The following CASKIN2 variants were observed in gnomAD, a reference collection of about 807,000 sequenced individuals.
The protein encoded by CASKIN2 is caskin-2.
CASKIN2 carries 41 observed loss-of-function variants against 107.1 expected under a neutral mutation model. The ratio of observed to expected loss-of-function variants is 0.38; its 90% CI spans 0.30 to 0.50. CASKIN2 has a LOEUF of 0.50. CASKIN2 is among the 20% of genes least tolerant of loss of function. The pLI, the probability that CASKIN2 is intolerant of heterozygous loss-of-function variation, is 0.92. For missense variants in CASKIN2, 1,546 were observed against 1,657.4 expected (o/e 0.93, Z 1.17); for synonymous variants, 724 against 705.6 (o/e 1.03, Z -0.41).
Position 75,504,919 on chromosome 17 carries a change from G to T in CASKIN2, c.1085C>A (p.Pro362His), listed in dbSNP as rs1346283145. The T allele has an allele frequency of 1.2e-6, 2 of 1,609,882 alleles. No individual in the cohort carries two copies. Among genetic ancestry groups the T allele is most frequent in the Non-Finnish European group, 1.7e-6 (2 of 1,178,268 alleles). ...TGTCCGGGAGAAGCCTGGGCGCAGG[G>T]GGGTGGGTGCGGAGGGGAGGCGGGC... ...PAARLPSAPT[P>H]LRPGFSRTPQ... is the part of the protein sequence containing the mutation. Residue 362 changes from proline to histidine, a missense_variant, in exon 11 of 20, where the codon CCC becomes CAC. This residue lies in a region of CASKIN2 where 1,311 missense variants were observed against 1,311.0 expected (regional missense o/e 1.00). Transcript: ENST00000321617.
rs2053269542 is a variant in CASKIN2, at chr17:75,506,702, C to T, written c.498G>A (p.Leu166=). ...CCACACATAAGTGGCTGTTCAGAAG[C>T]AGCTGGGCCACCTGCAGCACCCAGT... ...CEFGRLKVAQ[L]LLNSHLCVAL... is the part of the protein sequence containing the mutation. The change falls in exon 7 of 20, where the codon CTG becomes CTA. Residue 166 remains leucine (L), a synonymous_variant. Coordinates refer to ENST00000321617, the MANE Select transcript of CASKIN2 (RefSeq NM_020753.5). This position sits in a 1 kb window ranked among gnomAD's most constrained non-coding sequence, Gnocchi z 4.8. The T allele has an allele frequency of 6.2e-7, 1 of 1,613,402 alleles. No individual in the cohort carries two copies. Among genetic ancestry groups the T allele is most frequent in the Non-Finnish European group, 8.5e-7 (1 of 1,180,002 alleles).
At chr17:75,511,475 C>T (rs2146997789) in intron 2 of CASKIN2, among the ~76,000 whole-genome samples, 1 of 152,350 alleles carries the variant, frequency 6.6e-6, no homozygotes, top group South Asian at 2.1e-4. Context: ...CACTAACCCT[C>T]TCTGAGCATC....
chr17:75,502,077 T>G lies in CASKIN2; in HGVS notation c.2997A>C (p.Arg999Ser). 1 of 1,611,320 alleles carries G rather than the reference T, an allele frequency of 6.2e-7. No individual in the cohort carries two copies. The highest frequency in any genetic ancestry group is 8.5e-7 in the Non-Finnish European group (1 of 1,179,876). ...CCAGCAGTGCGGTCTGCAGTGGCTC[T>G]CTCTCCCGGCACTTGGGCCTCCGCT... is the stretch of plus-strand genomic sequence containing the variant. ...TVKRRPKCREREPLQTALLAF... is the reference protein window; with the variant it reads ...TVKRRPKCRESEPLQTALLAF... Residue 999 changes from arginine to serine, a missense_variant, in exon 18 of 20, where the codon AGA becomes AGC. Physicochemically the swap from Arg to Ser is moderately radical, Grantham distance 110. Transcript: ENST00000321617. The surrounding 1 kb of genome is among the most constrained non-coding windows in gnomAD (Gnocchi z 4.3).
rs201781607 is a variant in CASKIN2, at chr17:75,502,011, T to C, written c.3063A>G (p.Pro1021=). 97 of 1,612,462 alleles carry C rather than the reference T, an allele frequency of 6.0e-5. 1 individual carries two copies. Among genetic ancestry groups the C allele is most frequent in the East Asian group, 4.5e-4 (20 of 44,860 alleles). ...VASATPGPAA[P]LPSPTPGESP... ...ACTCGCCAGGAGTTGGGGAAGGCAGTGGGGCAGCGGGGCCAGGCGTGGCAC... is the reference window on the plus strand; with the variant it reads ...ACTCGCCAGGAGTTGGGGAAGGCAGCGGGGCAGCGGGGCCAGGCGTGGCAC... Residue 1021 remains proline (P), a synonymous_variant, in exon 18 of 20, where the codon CCA becomes CCG. Transcript: ENST00000321617. This position sits in a 1 kb window ranked among gnomAD's most constrained non-coding sequence, Gnocchi z 4.3.
chr17:75,510,139 C>T (rs1186196359), intron 2 of CASKIN2, among the ~76,000 whole-genome samples: 2 of 152,320 alleles, frequency 1.3e-5, no homozygotes, highest in Admixed American at 1.3e-4. Context: ...AGGATGTGAG[C>T]TCAGCCGGCC....
Position 75,502,318 on chromosome 17 carries a change from G to A in CASKIN2, c.2756C>T (p.Pro919Leu), listed in dbSNP as rs201288047. The A allele has an allele frequency of 5.5e-4, 811 of 1,484,928 alleles. 8 individuals are homozygous for A. In the African/African-American group the frequency reaches 0.01, roughly 19 times the overall value. The allele number at this position is 1,484,928 out of a possible 1,614,324, so 92.0% of individuals were successfully genotyped here. ...EPAGPSEPPGPPAPAGPASDT... is the reference protein window; with the variant it reads ...EPAGPSEPPGLPAPAGPASDT... ...TGACGCGGGCCCAGCCGGGGCAGGT[G>A]GGCCAGGGGGCTCTGAGGGGCCAGC... The change falls in exon 18 of 20, where the codon CCA becomes CTA. Residue 919 changes from proline (P) to leucine (L), a missense_variant. Around this residue, in one of 6 missense-constraint regions of CASKIN2, gnomAD observed 1,311 missense variants for 1,311.0 expected, o/e 1.00. Transcript: ENST00000321617. This position sits in a 1 kb window ranked among gnomAD's most constrained non-coding sequence, Gnocchi z 4.3.
intron 4 of CASKIN2, 46 bp from the exon 5 acceptor site, chr17:75,507,175 G>C (rs1176195163): frequency 1.3e-6 from 2 of 1,573,496 alleles, no homozygotes; most frequent in Non-Finnish European, 1.7e-6. Context: ...GGACGGCGTT[G>C]GGGGTGGAGA....
In CASKIN2 at chr17:75,502,670, T is replaced by C. The variant is rs1457355420; in HGVS notation, c.2404A>G (p.Ser802Gly). The change falls in exon 18 of 20, where the codon AGC (serine) becomes GGC (glycine). Residue 802 changes from serine to glycine, a missense_variant. Ser to Gly is a moderately conservative substitution (Grantham distance 56). Coordinates refer to ENST00000321617, the MANE Select transcript of CASKIN2 (RefSeq NM_020753.5). The surrounding 1 kb of genome is among the most constrained non-coding windows in gnomAD (Gnocchi z 4.3). ...PRPKRRSHSL[S>G]RPGPTEGDAE... The stretch of plus-strand genomic sequence containing the variant: ...TCCCCCTCTGTGGGGCCAGGGCGGC[T>C]TAGGCTGTGGGACCGGCGCTTAGGT... 1 of 1,602,980 alleles carries C rather than the reference T, an allele frequency of 6.2e-7. No individual in the cohort carries two copies. Among genetic ancestry groups the C allele is most frequent in the Non-Finnish European group, 8.5e-7 (1 of 1,174,570 alleles).
chr17:75,504,546 C>T, intron 12 of CASKIN2, 26 bp downstream of exon 12: 1 of 1,595,228 alleles, frequency 6.3e-7, no homozygotes. Flanking sequence ...TGAGCCCTGA[C>T]CTGGTCCGTG....
Position 75,501,997 on chromosome 17 carries a change from G to A in CASKIN2, c.3077C>T (p.Thr1026Ile), listed in dbSNP as rs767592305. 26 of 1,612,538 alleles carry A rather than the reference G, an allele frequency of 1.6e-5. No individual in the cohort carries two copies. Among genetic ancestry groups the A allele is most frequent in the Non-Finnish European group, 2.2e-5 (26 of 1,179,670 alleles). Residue 1026 changes from threonine to isoleucine, a missense_variant, in exon 18 of 20, where the codon ACT becomes ATT. Thr to Ile is a moderately conservative substitution (Grantham distance 89). This residue lies in a region of CASKIN2 where 1,311 missense variants were observed against 1,311.0 expected (regional missense o/e 1.00). Transcript: ENST00000321617. ...PGPAAPLPSPTPGESPPASSL... is the reference protein window; with the variant it reads ...PGPAAPLPSPIPGESPPASSL... ...AGAAGCTGGAGGAGACTCGCCAGGA[G>A]TTGGGGAAGGCAGTGGGGCAGCGGG...
Position 75,501,500 on chromosome 17 carries a change from T to C in CASKIN2, c.3486A>G (p.Ala1162=), listed in dbSNP as rs1268184295. The change falls in exon 19 of 20, where the codon GCA becomes GCG. Residue 1162 remains alanine (A), a synonymous_variant. Coordinates refer to ENST00000321617, the MANE Select transcript of CASKIN2 (RefSeq NM_020753.5). ...GCTCCTTGGTGCCAATGCTCTTCTCTGCGGCTCTCAGTGCAGCTGCCAGGG... is the reference window on the plus strand; with the variant it reads ...GCTCCTTGGTGCCAATGCTCTTCTCCGCGGCTCTCAGTGCAGCTGCCAGGG... ...SSSLAAALRA[A]EKSIGTKEQE... is the part of the protein sequence containing the mutation. 1 of 1,612,056 alleles carries C rather than the reference T, an allele frequency of 6.2e-7. No individual in the cohort carries two copies. Among genetic ancestry groups the C allele is most frequent in the Non-Finnish European group, 8.5e-7 (1 of 1,179,330 alleles).
chr17:75,507,240 G>T, intron 4 of CASKIN2, 111 bp from the exon 5 acceptor site: 1 of 1,225,996 alleles, frequency 8.2e-7, no homozygotes, highest in Non-Finnish European at 1.1e-6. Flanking sequence ...AGCCCACGGG[G>T]ATGCAATGCT....
chr17:75,503,295 G>A, intron 17 of CASKIN2, 41 bp from the exon 18 acceptor site: 1 of 1,573,616 alleles, frequency 6.4e-7, no homozygotes, highest in Non-Finnish European at 8.6e-7. Flanking sequence ...GCTGGGGCTG[G>A]GGTTGTCCTG....
Position 75,501,963 on chromosome 17 carries a change from G to A in CASKIN2, c.3111C>T (p.Pro1037=). The A allele has an allele frequency of 6.2e-7, 1 of 1,609,274 alleles. No homozygotes were observed. The highest frequency in any genetic ancestry group is 8.5e-7 in the Non-Finnish European group (1 of 1,177,338). Residue 1037 remains proline (P), a synonymous_variant, in exon 18 of 20, where the codon CCC becomes CCT. Transcript: ENST00000321617. ...CTGGAAGGCTGCTGGGCTCGGGCTG[G>A]GGAAGGCTAGAAGCTGGAGGAGACT... ...PGESPPASSL[P]QPEPSSLPAQ...
At chr17:75,508,101 C>T in intron 3 of CASKIN2, 133 bp downstream of exon 3, 1 of 1,015,088 alleles carries the variant, frequency 9.9e-7, no homozygotes, top group East Asian at 2.6e-5. Context: ...CAGCTCGCAG[C>T]AAATACACTT....
chr17:75,511,707 C>T (rs1404208303), intron 2 of CASKIN2, among the ~76,000 whole-genome samples: 2 of 152,200 alleles, frequency 1.3e-5, no homozygotes, highest in Non-Finnish European at 2.9e-5. Context: ...CTACAGCCTG[C>T]GCAGGGTGAA....
Position 75,503,215 on chromosome 17 carries a change from G to A in CASKIN2, c.1859C>T (p.Ala620Val), listed in dbSNP as rs765507478. 65 of 1,586,424 alleles carry A rather than the reference G, an allele frequency of 4.1e-5. No individual in the cohort carries two copies. Among genetic ancestry groups the A allele is most frequent in the East Asian group, 1.8e-4 (8 of 44,078 alleles). ...CTGCAGCAGGCCCCGCCGAAGCTCCGCCAGCCGCTTCACCCCCAGCATGAG... is the reference window on the plus strand; with the variant it reads ...CTGCAGCAGGCCCCGCCGAAGCTCCACCAGCCGCTTCACCCCCAGCATGAG... ...KKLMLGVKRL[A>V]ELRRGLLQGE... The change falls in exon 18 of 20, where the codon GCG (alanine) becomes GTG (valine). Residue 620 changes from alanine to valine, a missense_variant. Transcript: ENST00000321617.
Position 75,502,645 on chromosome 17 carries a change from T to C in CASKIN2, c.2429A>G (p.Asp810Gly). 6.3e-7 allele frequency: 1 copy of C among 1,598,542 alleles called. No homozygotes were observed. The highest frequency in any genetic ancestry group is 1.1e-5 in the South Asian group (1 of 89,730). Residue 810 changes from aspartate to glycine, a missense_variant, in exon 18 of 20, where the codon GAT becomes GGT. Physicochemically the swap from Asp to Gly is moderately conservative, Grantham distance 94. Transcript: ENST00000321617. This position sits in a 1 kb window ranked among gnomAD's most constrained non-coding sequence, Gnocchi z 4.3. ...SLSRPGPTEG[D>G]AEGEAEGPVG... Reference sequence around the variant, plus strand: ...TGGCCCTTCGGCCTCCCCCTCAGCATCCCCCTCTGTGGGGCCAGGGCGGCT... The same window carrying C: ...TGGCCCTTCGGCCTCCCCCTCAGCACCCCCCTCTGTGGGGCCAGGGCGGCT...
Position 75,500,831 on chromosome 17 carries a change from A to T in CASKIN2, c.*249T>A, listed in dbSNP as rs910161026. 5.4e-5 allele frequency: 27 copies of T among 502,088 alleles called. No individual in the cohort carries two copies. The highest frequency in any genetic ancestry group is 4.9e-4 in the African/African-American group (25 of 51,200). The allele number at this position is 502,088 out of a possible 1,614,324, so 31.1% of individuals were successfully genotyped here. ...GTCCAGGAGCAGGGCTGTCCTGCTC[A>T]ATCGATCAAACCCTGGGAGGGGCTT... On this transcript the variant is annotated 3_prime_UTR_variant, in exon 20 of 20. Transcript: ENST00000321617.
Sources: allele counts gnomAD v4.1 joint callset (sites outside exome capture counted in the v4.1 genomes callset), GRCh38; gene constraint gnomAD v4.1.1; regional missense constraint gnomAD v4.1.1; non-coding constraint Gnocchi (gnomAD v3.1); transcripts MANE v1.5; gene names NCBI Gene and HGNC (gene_info 2026-07-23, HGNC 2026-07-21).